SH2D4B: variants seen among roughly 807,000 people sequenced by gnomAD.
SH2D4B encodes SH2 domain-containing protein 4B.
A neutral mutation model predicts 61.5 loss-of-function variants in SH2D4B; 45 were observed. The ratio of observed to expected loss-of-function variants is 0.73; its 90% CI spans 0.58 to 0.94. The LOEUF (loss-of-function observed/expected upper bound fraction) is 0.94. Ranked by LOEUF, SH2D4B falls within the 40% of genes least tolerant of loss-of-function variation. The probability of loss-of-function intolerance (pLI) is 0.00; values close to 1 mark genes in which losing one functional copy is unlikely to be tolerated. For synonymous variants in SH2D4B, 224 were observed against 220.4 expected (o/e 1.02, Z -0.14); for missense variants, 572 against 574.2 (o/e 1.00, Z 0.04).
intron 3 of SH2D4B, among the ~76,000 whole-genome samples, chr10:80,579,588 C>T (rs1226065589): frequency 2.0e-5 from 3 of 152,066 alleles, no homozygotes; most frequent in African/African-American, 7.3e-5. Context: ...AATCTCCCTC[C>T]CTCCTCCCAC....
At position 80,573,222 on chromosome 10, in the gene SH2D4B, G is replaced by A. The variant is rs192633308; in HGVS notation, c.495+1644G>A. Among the ~76,000 whole-genome samples the A allele has an allele frequency of 1.1e-3, 158 of 149,788 alleles. 1 individual carries two copies. Among genetic ancestry groups the A allele is most frequent in the African/African-American group, 3.3e-3 (133 of 40,740 alleles). On this transcript the variant is annotated intron_variant, in intron 3 of 7. Transcript: ENST00000646907. ...AGGATGGTCTCGATCTCCTGACCTCGTGATCCGCCCACCTCGGCCTCCCAA... is the reference window on the plus strand; with the variant it reads ...AGGATGGTCTCGATCTCCTGACCTCATGATCCGCCCACCTCGGCCTCCCAA...
At chr10:80,582,253 GA>G (rs1420011397) in intron 3 of SH2D4B, among the ~76,000 whole-genome samples, 3 of 152,202 alleles carry the variant, frequency 2.0e-5, no homozygotes, top group Admixed American at 2.0e-4. Flanking sequence ...GAGCAGGAGG[GA>G]AACGGGGAGA....
Position 80,633,384 on chromosome 10 carries a change from TCATAA to T in SH2D4B, c.989-896_989-892del, listed in dbSNP as rs142437786. 5.0e-3 allele frequency among the ~76,000 whole-genome samples: 768 copies of T among 152,286 alleles called. 9 individuals are homozygous for T. The highest frequency in any genetic ancestry group is 0.018 in the African/African-American group (733 of 41,548). ...TTGAATACTTTATTCAACTTGAAAG[TCATAA>T]CATACCTTCTAAGTATTTGGGTTAT... On this transcript the variant is annotated intron_variant, in intron 6 of 7. Transcript: ENST00000646907.
chr10:80,587,152 T>TTTTTTTTTTTTTTTTTG (rs1842267213), intron 3 of SH2D4B, among the ~76,000 whole-genome samples: 2 of 62,372 alleles, frequency 3.2e-5, no homozygotes, highest in South Asian at 4.1e-4. Flanking sequence ...TTTTGTTTTG[T>TTTTTTTTTTTTTTTTTG]TTTTTTTTTT....
chr10:80,570,489 G>A (rs976715679), intron 2 of SH2D4B, among the ~76,000 whole-genome samples, 173 bp downstream of exon 2: 26 of 152,266 alleles, frequency 1.7e-4, no homozygotes, highest in African/African-American at 6.3e-4. Flanking sequence ...CAAAGTGTTG[G>A]GATTATAGGC....
Position 80,606,345 on chromosome 10 carries a change from A to G in SH2D4B, c.860+2550A>G, listed in dbSNP as rs529828134. On this transcript the variant is annotated intron_variant, in intron 5 of 7. Transcript: ENST00000646907. The stretch of plus-strand genomic sequence containing the variant: ...ATTTAATTGCACATTTATTAGATTT[A>G]ACTTTTCTAAAAAAATTTGAGACTG... 3.3e-5 allele frequency among the ~76,000 whole-genome samples: 5 copies of G among 150,888 alleles called. No homozygotes were observed. The East Asian group carries it at 9.7e-4, about 29-fold the overall frequency.
intron 3 of SH2D4B, among the ~76,000 whole-genome samples, chr10:80,577,103 A>C (rs1185695328): frequency 6.6e-6 from 1 of 152,172 alleles, no homozygotes; most frequent in African/African-American, 2.4e-5. Context: ...AACGGAGCTG[A>C]AGTTTCTACT....
chr10:80,553,164 C>T (rs764428022), intron 1 of SH2D4B, among the ~76,000 whole-genome samples: 10 of 152,182 alleles, frequency 6.6e-5, no homozygotes, highest in Non-Finnish European at 1.0e-4. Flanking sequence ...GTGATCCACC[C>T]ACCATGGCCT....
At chr10:80,555,918 A>G (rs926170740) in intron 1 of SH2D4B, among the ~76,000 whole-genome samples, 11 of 152,186 alleles carry the variant, frequency 7.2e-5, no homozygotes, top group Non-Finnish European at 1.3e-4. Context: ...AAATCTCCCT[A>G]GGTTATTTCT....
chr10:80,556,571 T>C (rs11186034), intron 1 of SH2D4B, among the ~76,000 whole-genome samples: 9,092 of 152,254 alleles, frequency 0.06, 655 homozygotes, highest in East Asian at 0.3. Context: ...ATTGCTCCAT[T>C]TATTTAGGTC....
intron 1 of SH2D4B, among the ~76,000 whole-genome samples, chr10:80,544,024 C>T (rs1841628874): frequency 1.3e-5 from 2 of 152,052 alleles, no homozygotes; most frequent in South Asian, 4.1e-4. Flanking sequence ...AGAATAAAAG[C>T]AGGCTGCCCA....
chr10:80,583,370 A>T (rs1225482954), intron 3 of SH2D4B, among the ~76,000 whole-genome samples: 3 of 152,082 alleles, frequency 2.0e-5, no homozygotes, highest in Non-Finnish European at 4.4e-5. Context: ...AAGTAGAAGA[A>T]AAAAGACAAC....
chr10:80,586,937 C>T (rs1388715747), intron 3 of SH2D4B, among the ~76,000 whole-genome samples: 5 of 148,298 alleles, frequency 3.4e-5, no homozygotes, highest in African/African-American at 1.0e-4. Flanking sequence ...ACACTCACCG[C>T]GGAGGTCCGC....
intron 6 of SH2D4B, among the ~76,000 whole-genome samples, chr10:80,616,053 A>G (rs1842656248): frequency 6.6e-6 from 1 of 152,172 alleles, no homozygotes; most frequent in African/African-American, 2.4e-5. Flanking sequence ...ATCACTCAGA[A>G]ATAAAGAAAA....
At chr10:80,544,685 C>T (rs766649227) in intron 1 of SH2D4B, among the ~76,000 whole-genome samples, 2 of 152,258 alleles carry the variant, frequency 1.3e-5, no homozygotes, top group East Asian at 1.9e-4. Flanking sequence ...TGCAGACATT[C>T]CCATGGTGGC....
In SH2D4B at chr10:80,617,563, G is replaced by A. The variant is rs1031682005; in HGVS notation, c.988+8012G>A. On this transcript the variant is annotated intron_variant, in intron 6 of 7. Coordinates refer to ENST00000646907, the MANE Select transcript of SH2D4B (RefSeq NM_001388272.1). ...TTGAGTGCTAAGTACAGGGTGTGTGGTGATGAACAAAACTGGTGCCTTCCC... is the reference window on the plus strand; with the variant it reads ...TTGAGTGCTAAGTACAGGGTGTGTGATGATGAACAAAACTGGTGCCTTCCC... 2.6e-5 allele frequency among the ~76,000 whole-genome samples: 4 copies of A among 152,148 alleles called. No homozygotes were observed. In the East Asian group the frequency reaches 7.7e-4, roughly 29 times the overall value.
In SH2D4B at chr10:80,571,436, A is replaced by C; in HGVS notation, c.353A>C (p.Gln118Pro). ...AQREAEELWR[Q>P]KEAEITKKFR... ...CTGTGGTGCTCTCTTGGTAGGAGAC[A>C]GAAGGAGGCAGAGATCACCAAGAAG... Residue 118 changes from glutamine to proline, a missense_variant, in exon 3 of 8, where the codon CAG becomes CCG. Coordinates refer to ENST00000646907, the MANE Select transcript of SH2D4B (RefSeq NM_001388272.1). 1 of 1,614,104 alleles carries C rather than the reference A, an allele frequency of 6.2e-7. No individual in the cohort carries two copies.
intron 1 of SH2D4B, among the ~76,000 whole-genome samples, chr10:80,549,465 A>T (rs1841728590): frequency 6.6e-6 from 1 of 152,224 alleles, no homozygotes; most frequent in Non-Finnish European, 1.5e-5. Context: ...ACAGCTGTGC[A>T]GATGAGTGAG....
intron 3 of SH2D4B, among the ~76,000 whole-genome samples, chr10:80,587,151 G>GC (rs1842266886): frequency 4.1e-5 from 2 of 48,388 alleles, no homozygotes; most frequent in African/African-American, 2.4e-4. Flanking sequence ...TTTTTGTTTT[G>GC]TTTTTTTTTT....
Sources: allele counts gnomAD v4.1 joint callset (sites outside exome capture counted in the v4.1 genomes callset), GRCh38; gene constraint gnomAD v4.1.1; transcripts MANE v1.5; gene names NCBI Gene and HGNC (gene_info 2026-07-23, HGNC 2026-07-21).